The following SYTL5 variants were observed in gnomAD, a reference collection of about 807,000 sequenced individuals.
SYTL5 encodes synaptotagmin like 5, also known as synaptotagmin-like protein 5.
In SYTL5, 34 loss-of-function variants were observed where a neutral mutation model predicts 55.9. The observed-to-expected ratio is 0.61, with a 90% CI of 0.46 to 0.81. The LOEUF is 0.81. Among genes scored for constraint, SYTL5 ranks in the 30% least tolerant of loss-of-function variants. SYTL5 has a pLI of 0.00. For synonymous variants in SYTL5, 221 were observed against 188.7 expected (o/e 1.17, Z -1.40); for missense variants, 637 against 546.7 (o/e 1.17, Z -1.65).
intron 5 of SYTL5, among the ~76,000 whole-genome samples, chrX:38,074,905 A>AACACAC (rs72169928): frequency 3.9e-5 from 4 of 102,863 alleles, no homozygotes; most frequent in African/African-American, 1.1e-4. Context: ...ACACCCCCTC[A>AACACAC]ACACACACAC....
the SYTL5 span, chrX:37,990,815 A>G: frequency 8.5e-7 from 1 of 1,172,891 alleles, no homozygotes; most frequent in Middle Eastern, 2.3e-4. Flanking sequence ...AGCAGAGCTG[A>G]TGAGAGCCAA....
At chrX:38,110,789 T>G (rs959335284) in intron 13 of SYTL5, among the ~76,000 whole-genome samples, 2 of 111,850 alleles carry the variant, frequency 1.8e-5, no homozygotes, top group Non-Finnish European at 3.8e-5. Context: ...TAGAGAGTCT[T>G]CATTTTCACA....
intron 3 of SYTL5, among the ~76,000 whole-genome samples, chrX:38,055,008 C>T (rs756311017): frequency 9.0e-6 from 1 of 111,486 alleles, no homozygotes; most frequent in Non-Finnish European, 1.9e-5. Context: ...TGAGCCACTG[C>T]ACCCGGCCAC....
the SYTL5 span, among the ~76,000 whole-genome samples, chrX:37,908,263 C>A: frequency 8.9e-6 from 1 of 111,878 alleles, no homozygotes; most frequent in Admixed American, 9.5e-5. Context: ...TCAAGACACT[C>A]GGTCCTAATC....
At chrX:37,940,653 T>C in the SYTL5 span, among the ~76,000 whole-genome samples, 1 of 107,849 alleles carries the variant, frequency 9.3e-6, no homozygotes, top group Admixed American at 1.0e-4. Context: ...GGATGTTATC[T>C]TTTGCATGAA....
chrX:38,102,442 G>C lies in SYTL5; in HGVS notation c.1155+8G>C, dbSNP rs376951604. On this transcript the variant is annotated splice_region_variant and intron_variant, in intron 10 of 16. Coordinates refer to ENST00000297875, the MANE Select transcript of SYTL5 (RefSeq NM_138780.3). The stretch of plus-strand genomic sequence containing the variant: ...GCAAGTGGCCTATCAACTGTAAGCA[G>C]TTCACTAGGACATGTGGAAAGTTTC... The C allele has an allele frequency of 1.1e-5, 13 of 1,143,838 alleles. No individual in the cohort carries two copies. In the African/African-American group the frequency reaches 1.4e-4, roughly 13 times the overall value. The allele number at this position is 1,143,838 out of a possible 1,213,427, so 94.3% of individuals were successfully genotyped here.
chrX:37,917,681 A>C, the SYTL5 span, among the ~76,000 whole-genome samples: 1 of 112,169 alleles, frequency 8.9e-6, no homozygotes, highest in Non-Finnish European at 1.9e-5. Context: ...TCATGTTTTT[A>C]TATCCCTCTT....
At chrX:38,015,581 C>A (rs1414292313) in intron 1 of SYTL5, among the ~76,000 whole-genome samples, 2 of 111,496 alleles carry the variant, frequency 1.8e-5, no homozygotes, top group African/African-American at 6.5e-5. Context: ...CATTGGAACC[C>A]CATAGGACGT....
At chrX:37,891,177 T>A in the SYTL5 span, among the ~76,000 whole-genome samples, 21 of 111,930 alleles carry the variant, frequency 1.9e-4, no homozygotes, top group Non-Finnish European at 1.3e-4. Flanking sequence ...AGCTGATACA[T>A]GAATGTTCAT....
At chrX:38,044,448 T>C (rs2147257041) in intron 2 of SYTL5, among the ~76,000 whole-genome samples, 1 of 112,198 alleles carries the variant, frequency 8.9e-6, no homozygotes, top group South Asian at 3.7e-4. Context: ...AAACTTCAGT[T>C]ATACATTTAT....
chrX:38,115,153 C>T lies in SYTL5; in HGVS notation c.1596+4671C>T, dbSNP rs1048724704. On this transcript the variant is annotated intron_variant, in intron 13 of 16. Transcript: ENST00000297875. ...TCTATATGTTGGCTATTGTGAATCACGCTGCAATGAGCATGGGAGTGTAGA... is the reference window on the plus strand; with the variant it reads ...TCTATATGTTGGCTATTGTGAATCATGCTGCAATGAGCATGGGAGTGTAGA... 8.1e-5 allele frequency among the ~76,000 whole-genome samples: 9 copies of T among 111,734 alleles called. 2 individuals carry two copies. Among genetic ancestry groups the T allele is most frequent in the Admixed American group, 6.6e-4 (7 of 10,542 alleles).
the SYTL5 span, among the ~76,000 whole-genome samples, chrX:37,943,101 T>C: frequency 8.9e-6 from 1 of 112,255 alleles, no homozygotes; most frequent in Non-Finnish European, 1.9e-5. Flanking sequence ...AAGATTTGAA[T>C]CATTCCCCTA....
At chrX:37,900,269 G>T in the SYTL5 span, among the ~76,000 whole-genome samples, 1 of 112,326 alleles carries the variant, frequency 8.9e-6, no homozygotes, top group African/African-American at 3.2e-5. Flanking sequence ...GCCAGATAGT[G>T]TTCTAGGCAT....
At chrX:38,103,032 C>T (rs1261082807) in intron 10 of SYTL5, 1 of 1,154,748 alleles carries the variant, frequency 8.7e-7, no homozygotes, top group Non-Finnish European at 1.2e-6. Context: ...AAAGAGTTCT[C>T]AAGCAGGTTC....
the SYTL5 span, among the ~76,000 whole-genome samples, chrX:37,953,012 C>T: frequency 9.0e-6 from 1 of 111,156 alleles, no homozygotes; most frequent in Non-Finnish European, 1.9e-5. Flanking sequence ...ACGCCAGAAC[C>T]ACCAGGGTAA....
At chrX:38,064,532 C>T (rs1936046671) in intron 3 of SYTL5, among the ~76,000 whole-genome samples, 1 of 110,821 alleles carries the variant, frequency 9.0e-6, no homozygotes, top group Non-Finnish European at 1.9e-5. Context: ...ATTTTAGGTG[C>T]TGGTCTTTTC....
rs1936393071 is a variant in SYTL5, at chrX:38,076,485, G to C, written c.555-82G>C. The C allele has an allele frequency of 1.7e-5, 14 of 834,985 alleles. No homozygotes were observed. In the South Asian group the frequency reaches 3.1e-4, roughly 19 times the overall value. The allele number at this position is 834,985 out of a possible 1,213,427, so 68.8% of individuals were successfully genotyped here. A position where few individuals can be genotyped will look rare whatever the true frequency, so the allele number is the denominator to read the frequency against. ...ATTGAAGAATCCTTTATTATTAAAA[G>C]TACTAGAAATTGTATTCTTGAAATG... is the stretch of plus-strand genomic sequence containing the variant. On this transcript the variant is annotated intron_variant, in intron 5 of 16. Coordinates refer to ENST00000297875, the MANE Select transcript of SYTL5 (RefSeq NM_138780.3).
the SYTL5 span, among the ~76,000 whole-genome samples, chrX:37,947,382 G>A: frequency 9.0e-6 from 1 of 111,342 alleles, no homozygotes. Context: ...TCGTGATATT[G>A]AGTGAGTTCT....
Position 38,033,917 on chromosome X carries a change from C to T in SYTL5, c.28C>T (p.Leu10=), listed in dbSNP as rs1935031427. MSKNSEFIN[L]SFLLDHEKEM... Reference sequence around the variant, plus strand: ...GTCTAAGAACTCAGAGTTCATCAATCTGTCATTTTTATTAGATCATGAGAA... The same window carrying T: ...GTCTAAGAACTCAGAGTTCATCAATTTGTCATTTTTATTAGATCATGAGAA... The change falls in exon 2 of 17, where the codon CTG becomes TTG. Residue 10 remains leucine, a synonymous_variant. Coordinates refer to ENST00000297875, the MANE Select transcript of SYTL5 (RefSeq NM_138780.3). 1 of 1,192,486 alleles carries T rather than the reference C, an allele frequency of 8.4e-7. No individual in the cohort carries two copies. Among genetic ancestry groups the T allele is most frequent in the Non-Finnish European group, 1.1e-6 (1 of 882,316 alleles).
Sources: gnomAD v4.1 joint callset for allele counts (sites outside exome capture counted in the v4.1 genomes callset) on GRCh38, gnomAD v4.1.1 for gene constraint, MANE v1.5 for transcripts, NCBI Gene and HGNC (gene_info 2026-07-23, HGNC 2026-07-21) for gene names.